The following PDCD6 variants were observed in gnomAD, a reference collection of about 807,000 sequenced individuals.
PDCD6 encodes the protein programmed cell death 6.
Under a neutral mutation model 28.3 loss-of-function variants are expected in PDCD6, and 12 were observed. The ratio of observed to expected loss-of-function variants is 0.42; its 90% CI spans 0.27 to 0.69. The LOEUF is 0.69. PDCD6 is among the 30% of genes least tolerant of loss of function. The pLI, the probability that PDCD6 is intolerant of heterozygous loss-of-function variation, is 0.22. For synonymous variants in PDCD6, 92 were observed against 108.0 expected (o/e 0.85, Z 0.92); for missense variants, 226 against 269.9 (o/e 0.84, Z 1.14).
rs1740499381 is a variant in PDCD6, at chr5:306,540, A to G, written c.209-62A>G. The G allele has an allele frequency of 2.3e-5, 37 of 1,582,978 alleles. No individual in the cohort carries two copies. In the South Asian group the frequency reaches 3.9e-4, roughly 17 times the overall value. On this transcript the variant is annotated intron_variant, in intron 3 of 5. Transcript: ENST00000264933. ...GCTCTGAGGGCTGAGGTCTGGTGGGAAGCCTCAAGTGAGTTTGCTGCAACT... is the reference window on the plus strand; with the variant it reads ...GCTCTGAGGGCTGAGGTCTGGTGGGGAGCCTCAAGTGAGTTTGCTGCAACT...
chr5:277,426 C>T (rs1579478885), intron 2 of PDCD6, among the ~76,000 whole-genome samples: 9 of 151,362 alleles, frequency 5.9e-5, no homozygotes, highest in Admixed American at 5.3e-4. Context: ...CTCAGCCTCC[C>T]GAGTAGCTGG....
chr5:298,028 T>G (rs879535067), intron 2 of PDCD6, among the ~76,000 whole-genome samples: 1 of 152,204 alleles, frequency 6.6e-6, no homozygotes, highest in South Asian at 2.1e-4. Context: ...CGTAAATAAA[T>G]GAAGCCATTA....
At chr5:274,662 C>T (rs1359026735) in intron 2 of PDCD6, among the ~76,000 whole-genome samples, 2 of 152,156 alleles carry the variant, frequency 1.3e-5, no homozygotes, top group African/African-American at 4.8e-5. Context: ...TTTCCACTTA[C>T]TCAACACTCA....
intron 2 of PDCD6, among the ~76,000 whole-genome samples, chr5:296,982 AC>A (rs1439366959): frequency 6.6e-6 from 1 of 152,166 alleles, no homozygotes; most frequent in Non-Finnish European, 1.5e-5. Flanking sequence ...CCCCACGCAC[AC>A]CGTGCTGGTC....
intron 2 of PDCD6, among the ~76,000 whole-genome samples, chr5:290,665 C>T (rs1454229097): frequency 3.3e-5 from 5 of 152,226 alleles, no homozygotes; most frequent in African/African-American, 7.2e-5. Context: ...GAGGTTTCGG[C>T]GCTGATACTG....
intron 2 of PDCD6, among the ~76,000 whole-genome samples, chr5:296,945 TCA>T (rs1739654517): frequency 6.6e-6 from 1 of 152,042 alleles, no homozygotes; most frequent in Admixed American, 6.6e-5. Context: ...CAGTTGAATC[TCA>T]TCTCAAGTTC....
intron 2 of PDCD6, among the ~76,000 whole-genome samples, chr5:295,065 G>T (rs1372229069): frequency 6.6e-6 from 1 of 152,202 alleles, no homozygotes; most frequent in African/African-American, 2.4e-5. Context: ...GTGAGCACCT[G>T]CACCTCACTG....
At position 306,578 on chromosome 5, in the gene PDCD6, C is replaced by G. The variant is rs200827626; in HGVS notation, c.209-24C>G. 6.2e-6 allele frequency: 10 copies of G among 1,609,062 alleles called. No individual in the cohort carries two copies. In the East Asian group the frequency reaches 2.0e-4, roughly 32 times the overall value. ...GTTTGCTGCAACTGATCTTTTGCTG[C>G]TTGACCGTTCCTCTCTGTCTCAGCC... On this transcript the variant is annotated intron_variant, in intron 3 of 5. Coordinates refer to ENST00000264933, the MANE Select transcript of PDCD6 (RefSeq NM_013232.4).
chr5:279,810 G>C (rs1236290039), intron 2 of PDCD6, among the ~76,000 whole-genome samples: 1 of 146,810 alleles, frequency 6.8e-6, no homozygotes, highest in Non-Finnish European at 1.5e-5. Flanking sequence ...AAAAAAACGA[G>C]GAGCCGGTGC....
chr5:292,195 C>T (rs1177109459), intron 2 of PDCD6, among the ~76,000 whole-genome samples: 1 of 152,138 alleles, frequency 6.6e-6, no homozygotes, highest in African/African-American at 2.4e-5. Flanking sequence ...TGTGGAGGGC[C>T]AGTTCAGCTC....
chr5:276,326 C>A (rs1424521318), intron 2 of PDCD6: 7 of 1,085,196 alleles, frequency 6.5e-6, no homozygotes, highest in Non-Finnish European at 7.9e-6. Flanking sequence ...ATCGTGGGGG[C>A]TCACGTTTTC....
chr5:288,317 T>C (rs1164525564), intron 2 of PDCD6, among the ~76,000 whole-genome samples: 9 of 131,952 alleles, frequency 6.8e-5, no homozygotes, highest in East Asian at 2.0e-4. Context: ...TATATACACA[T>C]ATGTATATAT....
intron 5 of PDCD6, 96 bp from the exon 6 acceptor site, chr5:314,321 G>A (rs1741130775): frequency 1.2e-6 from 1 of 815,700 alleles, no homozygotes; most frequent in Admixed American, 1.9e-5. Flanking sequence ...CAGAAGACGT[G>A]TGTGCTTCTG....
intron 2 of PDCD6, among the ~76,000 whole-genome samples, chr5:300,633 C>T (rs562731562): frequency 3.3e-5 from 5 of 152,232 alleles, no homozygotes; most frequent in Admixed American, 1.3e-4. Context: ...CTAATGTAAC[C>T]GAGGCGTGAA....
At chr5:303,212 C>T (rs547703284) in intron 2 of PDCD6, among the ~76,000 whole-genome samples, 144 of 151,654 alleles carry the variant, frequency 9.5e-4, no homozygotes, top group African/African-American at 3.4e-3. Context: ...CCCCACCGCC[C>T]GTGCTCCACC....
chr5:301,509 C>T (rs1319643655), intron 2 of PDCD6, among the ~76,000 whole-genome samples: 2 of 152,232 alleles, frequency 1.3e-5, no homozygotes, highest in African/African-American at 4.8e-5. Flanking sequence ...GTCTACTCTC[C>T]TTTCAGATAC....
At chr5:282,837 ACGT>A (rs1207658440) in intron 2 of PDCD6, among the ~76,000 whole-genome samples, 28 of 129,128 alleles carry the variant, frequency 2.2e-4, no homozygotes, top group African/African-American at 6.9e-4. Flanking sequence ...GCAGCTGCAG[ACGT>A]GGAGAAGAGC....
chr5:302,510 T>A (rs1740158487), intron 2 of PDCD6, among the ~76,000 whole-genome samples: 1 of 136,422 alleles, frequency 7.3e-6, no homozygotes, highest in African/African-American at 2.7e-5. Context: ...TGTGTGTGTG[T>A]GTGTATGCCT....
chr5:314,694 T>C lies in PDCD6; in HGVS notation c.*179T>C. ...ATTAATGGTTTTGCAACTGTAATAG[T>C]AGCTGTATCGTTCTAATGCAGACAT... On this transcript the variant is annotated 3_prime_UTR_variant, in exon 6 of 6. Coordinates refer to ENST00000264933, the MANE Select transcript of PDCD6 (RefSeq NM_013232.4). 1 of 688,734 alleles carries C rather than the reference T, an allele frequency of 1.5e-6. No homozygotes were observed. The highest frequency in any genetic ancestry group is 2.7e-6 in the Non-Finnish European group (1 of 375,694). The allele number at this position is 688,734 out of a possible 1,614,324, so 42.7% of individuals were successfully genotyped here.
Sources: allele counts gnomAD v4.1 joint callset (sites outside exome capture counted in the v4.1 genomes callset), GRCh38; gene constraint gnomAD v4.1.1; transcripts MANE v1.5; gene names NCBI Gene and HGNC (gene_info 2026-07-23, HGNC 2026-07-21).